FAM167A: variants seen among roughly 807,000 people sequenced by gnomAD.
The protein encoded by FAM167A is protein FAM167A.
In FAM167A, 23 loss-of-function variants were observed where a neutral mutation model predicts 14.9. That is an observed-to-expected ratio of 1.55 (90% CI 1.11 to 2.19). The LOEUF (loss-of-function observed/expected upper bound fraction) is 2.19. FAM167A is among the 30% of genes most tolerant of loss of function. The pLI, the probability that FAM167A is intolerant of heterozygous loss-of-function variation, is 0.00. For synonymous variants in FAM167A, 174 were observed against 117.7 expected (o/e 1.48, Z -3.10); for missense variants, 401 against 281.5 (o/e 1.42, Z -3.04).
intron 2 of FAM167A, among the ~76,000 whole-genome samples, chr8:11,439,625 C>T (rs550331999): frequency 4.6e-5 from 7 of 152,210 alleles, no homozygotes; most frequent in Non-Finnish European, 7.4e-5. Context: ...GAGGAGACTG[C>T]GGGAGGAGGG....
chr8:11,442,091 C>G (rs1018697491), intron 2 of FAM167A, among the ~76,000 whole-genome samples: 2 of 152,202 alleles, frequency 1.3e-5, no homozygotes, highest in African/African-American at 4.8e-5. Context: ...TCAGATTAGT[C>G]CTGACAATTT....
chr8:11,449,840 T>C (rs1275855846), intron 1 of FAM167A, among the ~76,000 whole-genome samples: 2 of 152,212 alleles, frequency 1.3e-5, no homozygotes, highest in Non-Finnish European at 2.9e-5. Context: ...CTCCTCTGGC[T>C]GCTGGAGGAG....
chr8:11,447,844 A>T (rs531194873), intron 1 of FAM167A, among the ~76,000 whole-genome samples: 53 of 152,332 alleles, frequency 3.5e-4, no homozygotes, highest in African/African-American at 1.2e-3. Context: ...AACCGGAACG[A>T]CTACATAATT....
intron 1 of FAM167A, among the ~76,000 whole-genome samples, chr8:11,460,500 C>T (rs781536095): frequency 1.3e-5 from 2 of 152,240 alleles, no homozygotes; most frequent in African/African-American, 2.4e-5. Context: ...CGCCGACTCG[C>T]CCACGTTTCC....
chr8:11,461,386 C>G (rs1480626618), intron 1 of FAM167A, among the ~76,000 whole-genome samples: 1 of 152,286 alleles, frequency 6.6e-6, no homozygotes, highest in African/African-American at 2.4e-5. Context: ...GCTAAGGCAG[C>G]CTGCTGCCGC....
Position 11,429,247 on chromosome 8 carries a change from T to TCAGA in FAM167A, c.382-4612_382-4611insTCTG, listed in dbSNP as rs1805403114. 2.6e-5 allele frequency among the ~76,000 whole-genome samples: 4 copies of TCAGA among 152,366 alleles called. No individual in the cohort carries two copies. The South Asian group carries it at 8.3e-4, about 32-fold the overall frequency. On this transcript the variant is annotated intron_variant, in intron 2 of 2. Coordinates refer to ENST00000284486, the MANE Select transcript of FAM167A (RefSeq NM_053279.3). ...TGTGAGTGGCTAATTTCACTTAGCA[T>TCAGA]AATGTCCTCTGGTTTCTGATGGCTA...
At chr8:11,426,466 G>C (rs986083480) in intron 2 of FAM167A, among the ~76,000 whole-genome samples, 1 of 152,156 alleles carries the variant, frequency 6.6e-6, no homozygotes, top group African/African-American at 2.4e-5. Context: ...AAAGAGATGT[G>C]ATAATTATTT....
chr8:11,454,473 TCAA>T (rs1807151550), intron 1 of FAM167A, among the ~76,000 whole-genome samples: 1 of 152,174 alleles, frequency 6.6e-6, no homozygotes, highest in East Asian at 1.9e-4. Context: ...AGCCCTGATT[TCAA>T]CCGGAGACAA....
rs984126198 is a variant in FAM167A at position 11,424,448 on chromosome 8, G to C, written c.570C>G (p.Phe190Leu). The change falls in exon 3 of 3, where the codon TTC (phenylalanine) becomes TTG (leucine). Residue 190 changes from phenylalanine (F) to leucine (L), a missense_variant. Physicochemically the swap from Phe to Leu is conservative, Grantham distance 22 (BLOSUM62 0). Transcript: ENST00000284486. ...LFCDSPLASSFSLSTPLKLIG... is the reference protein window; with the variant it reads ...LFCDSPLASSLSLSTPLKLIG... ...TAAGCTTGAGTGGTGTGGAGAGGCT[G>C]AAGGAGGAGGCAAGAGGGGAGTCAC... The C allele has an allele frequency of 6.2e-7, 1 of 1,614,124 alleles. No individual in the cohort carries two copies. Among genetic ancestry groups the C allele is most frequent in the South Asian group, 1.1e-5 (1 of 91,064 alleles).
At chr8:11,430,489 C>T (rs1049220970) in intron 2 of FAM167A, among the ~76,000 whole-genome samples, 1 of 152,180 alleles carries the variant, frequency 6.6e-6, no homozygotes, top group African/African-American at 2.4e-5. Context: ...ATGATGGTTG[C>T]ACAACTCTGA....
At chr8:11,432,345 G>C (rs897871525) in intron 2 of FAM167A, among the ~76,000 whole-genome samples, 1 of 152,180 alleles carries the variant, frequency 6.6e-6, no homozygotes, top group African/African-American at 2.4e-5. Flanking sequence ...CTAATATCCA[G>C]AATCTACAAA....
chr8:11,457,461 C>A (rs1272164654), intron 1 of FAM167A, among the ~76,000 whole-genome samples: 1 of 151,962 alleles, frequency 6.6e-6, no homozygotes, highest in Non-Finnish European at 1.5e-5. Context: ...TGGAGCCCAG[C>A]GCTCGCCTTC....
At chr8:11,463,731 C>A (rs765630675) in intron 1 of FAM167A, among the ~76,000 whole-genome samples, 1 of 152,220 alleles carries the variant, frequency 6.6e-6, no homozygotes, top group Non-Finnish European at 1.5e-5. Context: ...TCCGGCCACA[C>A]TGAAGAAATG....
chr8:11,454,180 G>A (rs1368388907), intron 1 of FAM167A, among the ~76,000 whole-genome samples: 2 of 152,222 alleles, frequency 1.3e-5, no homozygotes, highest in Non-Finnish European at 2.9e-5. Flanking sequence ...GACACCGTCT[G>A]GGTTGCCCAT....
intron 1 of FAM167A, among the ~76,000 whole-genome samples, chr8:11,446,241 C>A (rs1001317194): frequency 1.3e-5 from 2 of 152,182 alleles, no homozygotes; most frequent in African/African-American, 4.8e-5. Context: ...CCAGTCCAGA[C>A]GTTTTCCTCA....
In FAM167A at chr8:11,424,444, G is replaced by A. The variant is rs768845937; in HGVS notation, c.574C>T (p.Leu192Phe). The A allele has an allele frequency of 1.2e-6, 2 of 1,614,148 alleles. No homozygotes were observed. The highest frequency in any genetic ancestry group is 1.1e-5 in the South Asian group (1 of 91,072). Residue 192 changes from leucine (L) to phenylalanine (F), a missense_variant, in exon 3 of 3, where the codon CTC (leucine) becomes TTC (phenylalanine). By Grantham distance (22) the Leu-to-Phe change is conservative. Coordinates refer to ENST00000284486, the MANE Select transcript of FAM167A (RefSeq NM_053279.3). ...CCAATAAGCTTGAGTGGTGTGGAGA[G>A]GCTGAAGGAGGAGGCAAGAGGGGAG... Reference protein sequence around the residue: ...CDSPLASSFSLSTPLKLIGVT... With the variant: ...CDSPLASSFSFSTPLKLIGVT...
intron 1 of FAM167A, among the ~76,000 whole-genome samples, chr8:11,459,181 T>C (rs1432312390): frequency 1.3e-5 from 2 of 152,194 alleles, no homozygotes; most frequent in Non-Finnish European, 2.9e-5. Flanking sequence ...CTGTGCAATA[T>C]CTAGTTTAGC....
chr8:11,436,454 G>T (rs1183645081), intron 2 of FAM167A, among the ~76,000 whole-genome samples: 1 of 152,188 alleles, frequency 6.6e-6, no homozygotes, highest in East Asian at 1.9e-4. Flanking sequence ...CTGCAGGAAG[G>T]GCTGGCTCCC....
chr8:11,463,779 C>T (rs1485953598), intron 1 of FAM167A, among the ~76,000 whole-genome samples: 3 of 152,192 alleles, frequency 2.0e-5, no homozygotes, highest in Admixed American at 6.5e-5. Context: ...GAAGGTGAAC[C>T]CTCATCCTCT....
Sources: gnomAD v4.1 joint callset for allele counts (sites outside exome capture counted in the v4.1 genomes callset) on GRCh38, gnomAD v4.1.1 for gene constraint, MANE v1.5 for transcripts, NCBI Gene and HGNC (gene_info 2026-07-23, HGNC 2026-07-21) for gene names.